Variants in ANO10 observed in about 807,000 individuals in gnomAD.
ANO10 encodes anoctamin-10.
ANO10 carries 77 observed loss-of-function variants against 74.7 expected under a neutral mutation model. The observed-to-expected ratio is 1.03, with a 90% CI of 0.86 to 1.25. The LOEUF (loss-of-function observed/expected upper bound fraction) is 1.25. Ranked by LOEUF, ANO10 falls within the 50% of genes most tolerant of loss-of-function variation. The probability of loss-of-function intolerance (pLI) is 0.00; values close to 1 mark genes in which losing one functional copy is unlikely to be tolerated. For missense variants in ANO10, 721 were observed against 778.1 expected, an observed-to-expected ratio of 0.93 and a Z score of 0.87; for synonymous variants, 279 against 284.9, an observed-to-expected ratio of 0.98 and a Z score of 0.21.
intron 12 of ANO10, among the ~76,000 whole-genome samples, chr3:43,406,057 A>G (rs1319226339): frequency 6.6e-6 from 1 of 152,250 alleles, no homozygotes; most frequent in Non-Finnish European, 1.5e-5. Context: ...GGGCCCTATC[A>G]GTATGAAAGC....
chr3:43,561,881 T>C (rs2080052825), intron 8 of ANO10, among the ~76,000 whole-genome samples: 1 of 152,194 alleles, frequency 6.6e-6, no homozygotes, highest in African/African-American at 2.4e-5. Context: ...AACTTGCAAT[T>C]GTGTTCTTCG....
intron 11 of ANO10, among the ~76,000 whole-genome samples, chr3:43,540,198 AT>A: frequency 1.3e-5 from 2 of 152,332 alleles, no homozygotes; most frequent in Middle Eastern, 3.4e-3. Flanking sequence ...GCATATATTC[AT>A]TTTGTTTTAG....
chr3:43,412,890 A>G (rs1421523440), intron 12 of ANO10, among the ~76,000 whole-genome samples: 1 of 152,076 alleles, frequency 6.6e-6, no homozygotes, highest in Non-Finnish European at 1.5e-5. Flanking sequence ...ACCTGTACTA[A>G]AACCACAAAA....
chr3:43,646,147 G>A (rs533640003), intron 1 of ANO10, among the ~76,000 whole-genome samples: 1 of 152,294 alleles, frequency 6.6e-6, no homozygotes, highest in East Asian at 1.9e-4. Flanking sequence ...AGTGGAAAAC[G>A]TCTGTGGGAA....
At chr3:43,549,948 C>T (rs1040504384) in intron 10 of ANO10, 100 bp from the exon 11 acceptor site, 3 of 1,378,986 alleles carry the variant, frequency 2.2e-6, no homozygotes, top group African/African-American at 2.9e-5. Flanking sequence ...ATGTCTTACC[C>T]TAGTTCTAAA....
At position 43,679,138 on chromosome 3, in the gene ANO10, G is replaced by A. The variant is rs372245734; in HGVS notation, c.-12+12379C>T. On this transcript the variant is annotated intron_variant, in intron 1 of 3. Transcript: ENST00000413397. ...CACCAAGTGTGAGCCGAAGCAGGGC[G>A]AGGCATCGCCTCACCTGGGAAGCGC... Among the ~76,000 whole-genome samples the A allele has an allele frequency of 1.1e-3, 172 of 152,316 alleles. 1 individual carries two copies. The highest frequency in any genetic ancestry group is 3.9e-3 in the African/African-American group (164 of 41,572).
At chr3:43,494,735 A>C (rs1388665365) in intron 11 of ANO10, among the ~76,000 whole-genome samples, 3 of 152,170 alleles carry the variant, frequency 2.0e-5, no homozygotes, top group Non-Finnish European at 4.4e-5. Context: ...TACAGAGCTT[A>C]TGTGAAAGAA....
chr3:43,626,491 G>C (rs1054817165), upstream of ANO10, among the ~76,000 whole-genome samples: 1 of 151,682 alleles, frequency 6.6e-6, no homozygotes, highest in African/African-American at 2.4e-5. Flanking sequence ...AGTAGAGACT[G>C]TGTTTCACCA....
At chr3:43,538,960 G>C (rs1216163359) in intron 11 of ANO10, among the ~76,000 whole-genome samples, 1 of 152,200 alleles carries the variant, frequency 6.6e-6, no homozygotes, top group African/African-American at 2.4e-5. Flanking sequence ...GAATGAAAAT[G>C]AATACTGCAG....
intron 1 of ANO10, among the ~76,000 whole-genome samples, chr3:43,664,237 A>G (rs552516148): frequency 6.6e-6 from 1 of 152,266 alleles, no homozygotes; most frequent in South Asian, 2.1e-4. Context: ...CACATCTACC[A>G]CCATCTGATC....
intron 11 of ANO10, among the ~76,000 whole-genome samples, chr3:43,449,267 C>T (rs932606887): frequency 6.6e-6 from 1 of 152,044 alleles, no homozygotes; most frequent in Non-Finnish European, 1.5e-5. Flanking sequence ...CAAATATTTT[C>T]TCCCAGTTTT....
Position 43,660,626 on chromosome 3 carries a change from G to A in ANO10, c.-12+30891C>T, listed in dbSNP as rs139360381. On this transcript the variant is annotated intron_variant, in intron 1 of 3. Transcript: ENST00000413397. ...AAGACCAAATCTATGTTTGATTGGT[G>A]TACCTGAAAGTGTTAGGGAGAACGG... Among the ~76,000 whole-genome samples, 371 of 152,312 alleles carry A rather than the reference G, an allele frequency of 2.4e-3. 4 individuals are homozygous for A. The highest frequency in any genetic ancestry group is 8.7e-3 in the African/African-American group (362 of 41,560).
chr3:43,662,851 G>C (rs2083942458), intron 1 of ANO10, among the ~76,000 whole-genome samples: 1 of 152,112 alleles, frequency 6.6e-6, no homozygotes. Context: ...GGAAGAAGTT[G>C]AAGCTCTGAA....
At chr3:43,408,557 T>C (rs924547093) in intron 12 of ANO10, among the ~76,000 whole-genome samples, 1 of 152,212 alleles carries the variant, frequency 6.6e-6, no homozygotes, top group African/African-American at 2.4e-5. Flanking sequence ...AAAGATTGTC[T>C]GATGACTGAA....
chr3:43,525,428 T>A (rs1165741479), intron 11 of ANO10, among the ~76,000 whole-genome samples: 1 of 152,190 alleles, frequency 6.6e-6, no homozygotes, highest in Non-Finnish European at 1.5e-5. Flanking sequence ...TCTGCATGAC[T>A]ATCTGGTGCT....
chr3:43,683,227 G>GC (rs2084225677), intron 1 of ANO10, among the ~76,000 whole-genome samples: 2 of 152,174 alleles, frequency 1.3e-5, no homozygotes, highest in South Asian at 2.1e-4. Context: ...AGCAACTTCA[G>GC]CAAGGTCTCA....
chr3:43,687,194 T>C (rs544116313), intron 1 of ANO10, among the ~76,000 whole-genome samples: 2 of 152,324 alleles, frequency 1.3e-5, no homozygotes, highest in Non-Finnish European at 2.9e-5. Flanking sequence ...CTTACGCCTA[T>C]AATCCCAACA....
At chr3:43,423,118 GAA>G (rs36014128) in intron 12 of ANO10, among the ~76,000 whole-genome samples, 22 of 137,452 alleles carry the variant, frequency 1.6e-4, no homozygotes, top group Middle Eastern at 3.7e-3. Context: ...ATTTTTTTTG[GAA>G]AAAAAAAAAA....
intron 1 of ANO10, among the ~76,000 whole-genome samples, chr3:43,673,591 T>C (rs762456688): frequency 6.6e-6 from 1 of 152,170 alleles, no homozygotes; most frequent in Non-Finnish European, 1.5e-5. Flanking sequence ...ATGCCTATTA[T>C]TTTGCCATGG....
Sources: allele counts gnomAD v4.1 joint callset (sites outside exome capture counted in the v4.1 genomes callset), GRCh38; gene constraint gnomAD v4.1.1; transcripts MANE v1.5; gene names NCBI Gene and HGNC (gene_info 2026-07-23, HGNC 2026-07-21).